Variants in TRMT11 observed in about 807,000 individuals in gnomAD.
The protein encoded by TRMT11 is tRNA methyltransferase 11, also known as tRNA (guanine(10)-N(2))-methyltransferase TRMT11.
A neutral mutation model predicts 62.8 loss-of-function variants in TRMT11; 53 were observed. That is an observed-to-expected ratio of 0.84 (90% CI 0.68 to 1.06). TRMT11 has a LOEUF of 1.06. TRMT11 is among the 50% of genes least tolerant of loss of function. TRMT11 has a pLI of 0.00. For synonymous variants in TRMT11, 188 were observed against 190.3 expected (o/e 0.99, Z 0.10); for missense variants, 556 against 553.4 (o/e 1.00, Z -0.05).
chr6:126,109,063 CTTA>C (rs1352683163), intron 17 of TRMT11, among the ~76,000 whole-genome samples: 80 of 152,186 alleles, frequency 5.3e-4, no homozygotes, highest in African/African-American at 1.8e-3. Context: ...TATATAGACA[CTTA>C]TTATTTTATG....
At chr6:125,990,920 G>C (rs1412997346) in intron 1 of TRMT11, among the ~76,000 whole-genome samples, 1 of 152,092 alleles carries the variant, frequency 6.6e-6, no homozygotes, top group Non-Finnish European at 1.5e-5. Context: ...TTTTTACATA[G>C]ATCAGGGACT....
chr6:126,160,295 A>G (rs1375213852), intron 21 of TRMT11, among the ~76,000 whole-genome samples: 1 of 152,214 alleles, frequency 6.6e-6, no homozygotes, highest in Non-Finnish European at 1.5e-5. Flanking sequence ...CCACTGGACT[A>G]TGACCATGCT....
At chr6:126,069,985 C>T (rs1776805112) in intron 17 of TRMT11, among the ~76,000 whole-genome samples, 1 of 151,854 alleles carries the variant, frequency 6.6e-6, no homozygotes, top group Admixed American at 6.6e-5. Flanking sequence ...AACTGGTCTC[C>T]CGGGGAGGGT....
the TRMT11 span, among the ~76,000 whole-genome samples, chr6:126,257,239 T>G: frequency 6.6e-6 from 1 of 151,920 alleles, no homozygotes; most frequent in South Asian, 2.1e-4. Flanking sequence ...CTTGTAGCTA[T>G]TTTGGGGTCT....
chr6:126,199,933 T>C (rs890622676), intron 3 of TRMT11: 1 of 152,202 alleles, frequency 6.6e-6, no homozygotes, highest in Non-Finnish European at 1.5e-5. Context: ...TTCACTAATG[T>C]TACGCTAAGA....
chr6:126,200,715 TG>T (rs1778725672), intron 3 of TRMT11, among the ~76,000 whole-genome samples: 1 of 152,062 alleles, frequency 6.6e-6, no homozygotes, highest in Admixed American at 6.5e-5. Flanking sequence ...CCACCACGCC[TG>T]GCTAATTTTT....
At chr6:126,197,100 C>G (rs1283738722) in intron 1 of TRMT11, among the ~76,000 whole-genome samples, 1 of 152,142 alleles carries the variant, frequency 6.6e-6, no homozygotes, top group Non-Finnish European at 1.5e-5. Flanking sequence ...TTTATTCTTA[C>G]CTATTTATCA....
chr6:126,111,598 A>G (rs1777532570), intron 17 of TRMT11, among the ~76,000 whole-genome samples: 1 of 152,156 alleles, frequency 6.6e-6, no homozygotes, highest in Non-Finnish European at 1.5e-5. Flanking sequence ...AGTGTAAGAC[A>G]GAAATAATAA....
intron 11 of TRMT11, among the ~76,000 whole-genome samples, chr6:126,016,804 T>G (rs1163961963): frequency 6.6e-6 from 1 of 152,070 alleles, no homozygotes; most frequent in African/African-American, 2.4e-5. Context: ...TTCCCTGAGT[T>G]TTTGGCCCCT....
At chr6:126,162,560 C>T (rs187480966) in intron 21 of TRMT11, among the ~76,000 whole-genome samples, 36 of 152,222 alleles carry the variant, frequency 2.4e-4, no homozygotes, top group African/African-American at 7.5e-4. Context: ...TTTTTGGTTC[C>T]ATATAAAATT....
intron 11 of TRMT11, among the ~76,000 whole-genome samples, chr6:126,018,109 A>AC (rs895630461): frequency 6.6e-6 from 1 of 152,118 alleles, no homozygotes; most frequent in South Asian, 2.1e-4. Context: ...AGCACATTGT[A>AC]CCCCCCAAAT....
At chr6:126,179,205 T>C (rs1428845679) in intron 1 of TRMT11, among the ~76,000 whole-genome samples, 1 of 152,162 alleles carries the variant, frequency 6.6e-6, no homozygotes, top group Non-Finnish European at 1.5e-5. Flanking sequence ...CTGTGAACGC[T>C]TGAGGCTCTC....
rs200225212 is a variant in TRMT11 at position 126,011,417 on chromosome 6, C to A, written c.925C>A (p.Pro309Thr). Residue 309 changes from proline (P) to threonine (T), a missense_variant and splice_region_variant, in exon 9 of 13, where the codon CCT (proline) becomes ACT (threonine). Pro to Thr is a conservative substitution (Grantham distance 38). Coordinates refer to ENST00000334379, the MANE Select transcript of TRMT11 (RefSeq NM_001031712.3). Reference protein sequence around the residue: ...GTYFDAIITDPPYGIRESTRR... With the variant: ...GTYFDAIITDTPYGIRESTRR... ...ATATTTTGATGCAATCATTACTGAT[C>A]GTAAGTTTATTTTTATACAAAAGTA... The A allele has an allele frequency of 1.9e-6, 3 of 1,606,650 alleles. No homozygotes were observed. Among genetic ancestry groups the A allele is most frequent in the East Asian group, 4.5e-5 (2 of 44,714 alleles).
chr6:126,249,682 G>C, the TRMT11 span, among the ~76,000 whole-genome samples: 15 of 152,272 alleles, frequency 9.9e-5, no homozygotes, highest in African/African-American at 3.6e-4. Flanking sequence ...GAGCCTGGGG[G>C]TGTGAAAGTG....
intron 17 of TRMT11, among the ~76,000 whole-genome samples, chr6:126,100,108 T>C (rs567147881): frequency 6.6e-6 from 1 of 152,288 alleles, no homozygotes; most frequent in South Asian, 2.1e-4. Context: ...TAGGTGACTC[T>C]TCTCTTTAAT....
At chr6:126,250,607 T>C in the TRMT11 span, among the ~76,000 whole-genome samples, 1 of 152,202 alleles carries the variant, frequency 6.6e-6, no homozygotes, top group Non-Finnish European at 1.5e-5. Context: ...TGGAGGCTTA[T>C]TTTACAATTT....
At chr6:126,080,706 A>T (rs1338589728) in intron 17 of TRMT11, among the ~76,000 whole-genome samples, 3 of 152,188 alleles carry the variant, frequency 2.0e-5, no homozygotes, top group East Asian at 3.9e-4. Context: ...TGTGACCTAA[A>T]CTACTCACGG....
downstream of TRMT11, among the ~76,000 whole-genome samples, chr6:126,202,924 TA>T (rs1260489319): frequency 6.6e-6 from 1 of 152,162 alleles, no homozygotes; most frequent in African/African-American, 2.4e-5. Flanking sequence ...TTCCCTTTTA[TA>T]TGAAGTGTAA....
At chr6:126,170,665 C>G (rs1778319884) in intron 21 of TRMT11, among the ~76,000 whole-genome samples, 1 of 152,068 alleles carries the variant, frequency 6.6e-6, no homozygotes, top group Non-Finnish European at 1.5e-5. Flanking sequence ...CTCCACACTT[C>G]CTGACGTGGT....
Sources: allele counts gnomAD v4.1 joint callset (sites outside exome capture counted in the v4.1 genomes callset), GRCh38; gene constraint gnomAD v4.1.1; transcripts MANE v1.5; gene names NCBI Gene and HGNC (gene_info 2026-07-23, HGNC 2026-07-21).